ARHGAP21: variants seen among roughly 807,000 people sequenced by gnomAD.
ARHGAP21 encodes the protein Rho GTPase activating protein 21, also known as rho GTPase-activating protein 21.
Under a neutral mutation model 164.6 loss-of-function variants are expected in ARHGAP21, and 38 were observed. The ratio of observed to expected loss-of-function variants is 0.23; its 90% CI spans 0.18 to 0.30. The LOEUF (loss-of-function observed/expected upper bound fraction) is 0.30. ARHGAP21 is among the 10% of genes least tolerant of loss of function. The pLI is 1.00. For missense variants in ARHGAP21, 1,822 were observed against 2,370.7 expected, an observed-to-expected ratio of 0.77 and a Z score of 4.81; for synonymous variants, 766 against 857.9, an observed-to-expected ratio of 0.89 and a Z score of 1.87.
intron 4 of ARHGAP21, among the ~76,000 whole-genome samples, chr10:24,640,747 G>A (rs1836921448): frequency 6.6e-6 from 1 of 151,996 alleles, no homozygotes; most frequent in Non-Finnish European, 1.5e-5. Context: ...GTGATGAAAA[G>A]GGATCTTTAT....
In ARHGAP21 at chr10:24,596,259, C is replaced by G. The variant is rs575872359; in HGVS notation, c.3478-216G>C. Reference sequence around the variant, plus strand: ...AAAGAGACTGAAAGAAAGAGAGGGACCCCCAGAGAGATAACATTCTAAAAA... The same window carrying G: ...AAAGAGACTGAAAGAAAGAGAGGGAGCCCCAGAGAGATAACATTCTAAAAA... On this transcript the variant is annotated intron_variant, in intron 17 of 25. Coordinates refer to ENST00000396432, the MANE Select transcript of ARHGAP21 (RefSeq NM_020824.4). 93 of 461,548 alleles carry G rather than the reference C, an allele frequency of 2.0e-4. No individual in the cohort carries two copies. In the East Asian group the frequency reaches 3.3e-3, roughly 16 times the overall value. 28.6% of individuals were successfully genotyped at this position (461,548 alleles called of 1,614,324 possible). A position where few individuals can be genotyped will look rare whatever the true frequency, so the allele number is the denominator to read the frequency against.
At chr10:24,592,078 T>C (rs940710546) in intron 21 of ARHGAP21, 66 bp from the exon 22 acceptor site, 3 of 1,341,236 alleles carry the variant, frequency 2.2e-6, no homozygotes, top group Non-Finnish European at 2.9e-6. Context: ...GAAATTGCCA[T>C]TGTAGGATTT....
intron 2 of ARHGAP21, among the ~76,000 whole-genome samples, chr10:24,684,377 C>A (rs543837509): frequency 1.3e-5 from 2 of 152,108 alleles, no homozygotes; most frequent in South Asian, 4.1e-4. Flanking sequence ...AATGATAATA[C>A]AAGATCCCCA....
intron 21 of ARHGAP21, among the ~76,000 whole-genome samples, chr10:24,593,237 C>A (rs769239306): frequency 6.6e-6 from 1 of 152,150 alleles, no homozygotes; most frequent in Non-Finnish European, 1.5e-5. Flanking sequence ...AGTCAGGATT[C>A]TTCTAGAGAG....
chr10:24,665,732 A>G (rs984209911), intron 4 of ARHGAP21, among the ~76,000 whole-genome samples: 23 of 152,336 alleles, frequency 1.5e-4, no homozygotes, highest in African/African-American at 5.3e-4. Context: ...TACACTTACA[A>G]TAGATGCAAA....
intron 11 of ARHGAP21, among the ~76,000 whole-genome samples, chr10:24,607,037 C>G (rs894320202): frequency 1.3e-5 from 2 of 152,038 alleles, no homozygotes; most frequent in African/African-American, 2.4e-5. Context: ...ATGGTATAAA[C>G]TATTCAATGG....
intron 2 of ARHGAP21, among the ~76,000 whole-genome samples, chr10:24,670,892 C>G (rs1840637135): frequency 6.6e-6 from 1 of 152,124 alleles, no homozygotes; most frequent in African/African-American, 2.4e-5. Flanking sequence ...CATAGATAAC[C>G]CTTCTGATAC....
chr10:24,717,995 T>C (rs1845550595), intron 2 of ARHGAP21, among the ~76,000 whole-genome samples: 1 of 152,144 alleles, frequency 6.6e-6, no homozygotes, highest in South Asian at 2.1e-4. Context: ...TCATTCTGAT[T>C]ACAGTAGGGA....
intron 4 of ARHGAP21, among the ~76,000 whole-genome samples, chr10:24,660,337 T>C (rs2131663105): frequency 8.0e-6 from 1 of 125,360 alleles, no homozygotes. Context: ...TGAGCTATCA[T>C]CATGCCACTA....
At chr10:24,605,411 G>C (rs2076981668) in intron 11 of ARHGAP21, among the ~76,000 whole-genome samples, 1 of 152,144 alleles carries the variant, frequency 6.6e-6, no homozygotes, top group Admixed American at 6.5e-5. Context: ...TTGGTGTAGG[G>C]TGCAGTAGAC....
At chr10:24,588,090 G>C (rs896302516) in intron 25 of ARHGAP21, among the ~76,000 whole-genome samples, 3 of 152,162 alleles carry the variant, frequency 2.0e-5, no homozygotes, top group African/African-American at 7.2e-5. Context: ...ACAAAGAAAT[G>C]CAAGGAATGA....
In ARHGAP21 at chr10:24,591,819, C is replaced by G. The variant is rs970249073; in HGVS notation, c.4002+68G>C. 4 of 1,591,120 alleles carry G rather than the reference C, an allele frequency of 2.5e-6. No homozygotes were observed. In the African/African-American group the frequency reaches 4.1e-5, roughly 16 times the overall value. On this transcript the variant is annotated intron_variant, in intron 22 of 25. Coordinates refer to ENST00000396432, the MANE Select transcript of ARHGAP21 (RefSeq NM_020824.4). Reference sequence around the variant, plus strand: ...CAACCTCTGTCTGACCAAATAGCGGCTGCCCGTGAAAATGAATTTTCTTGC... The same window carrying G: ...CAACCTCTGTCTGACCAAATAGCGGGTGCCCGTGAAAATGAATTTTCTTGC...
At chr10:24,644,262 G>A (rs1837350909) in intron 4 of ARHGAP21, among the ~76,000 whole-genome samples, 1 of 151,956 alleles carries the variant, frequency 6.6e-6, no homozygotes, top group Non-Finnish European at 1.5e-5. Context: ...AAATCTCATG[G>A]ATATATAAAT....
chr10:24,723,184 C>G (rs1386900501), intron 1 of ARHGAP21: 1 of 149,968 alleles, frequency 6.7e-6, no homozygotes, highest in Non-Finnish European at 1.5e-5. Context: ...GCCCGGCGGC[C>G]GAAGCGCGGC....
intron 2 of ARHGAP21, among the ~76,000 whole-genome samples, chr10:24,710,724 G>T (rs1844697697): frequency 6.6e-6 from 1 of 152,134 alleles, no homozygotes; most frequent in Admixed American, 6.5e-5. Context: ...AATCATTTTT[G>T]ATTAACTTCT....
At chr10:24,653,651 T>A (rs1488310658) in intron 4 of ARHGAP21, among the ~76,000 whole-genome samples, 2 of 151,846 alleles carry the variant, frequency 1.3e-5, no homozygotes, top group Non-Finnish European at 2.9e-5. Context: ...AATTCCTGGG[T>A]TCAAGCAATC....
At chr10:24,686,273 T>C (rs1316936127) in intron 2 of ARHGAP21, among the ~76,000 whole-genome samples, 1 of 151,582 alleles carries the variant, frequency 6.6e-6, no homozygotes, top group Non-Finnish European at 1.5e-5. Context: ...TACAAAAAAT[T>C]TAAAAATCAG....
chr10:24,693,082 G>C (rs1160128015), intron 2 of ARHGAP21, among the ~76,000 whole-genome samples: 1 of 152,100 alleles, frequency 6.6e-6, no homozygotes. Context: ...ATCTTTGGAG[G>C]AGAAAACAAT....
Position 24,616,392 on chromosome 10 carries a change from T to A in ARHGAP21, c.2422+3081A>T, listed in dbSNP as rs1446834918. The stretch of plus-strand genomic sequence containing the variant: ...AGCTCCCAAAGGGAGAAACTGGGTA[T>A]AGGGAATGGTCACCTCTTCCCTTTG... On this transcript the variant is annotated intron_variant, in intron 9 of 25. Coordinates refer to ENST00000396432, the MANE Select transcript of ARHGAP21 (RefSeq NM_020824.4). 2.6e-5 allele frequency among the ~76,000 whole-genome samples: 4 copies of A among 152,220 alleles called. No individual in the cohort carries two copies. The South Asian group carries it at 8.3e-4, about 32-fold the overall frequency.
Sources: gnomAD v4.1 joint callset for allele counts (sites outside exome capture counted in the v4.1 genomes callset) on GRCh38, gnomAD v4.1.1 for gene constraint, MANE v1.5 for transcripts, NCBI Gene and HGNC (gene_info 2026-07-23, HGNC 2026-07-21) for gene names.